The following COL17A1 variants were observed in gnomAD, a reference collection of about 807,000 sequenced individuals.
The protein encoded by COL17A1 is collagen alpha-1(XVII) chain.
Under a neutral mutation model 218.4 loss-of-function variants are expected in COL17A1, and 181 were observed. The observed-to-expected ratio is 0.83, with a 90% CI of 0.73 to 0.94. The LOEUF is 0.94. COL17A1 is among the 40% of genes least tolerant of loss of function. COL17A1 has a pLI of 0.00. For missense variants in COL17A1, 1,924 were observed against 1,945.9 expected (o/e 0.99, Z 0.21); for synonymous variants, 721 against 731.0 (o/e 0.99, Z 0.22).
chr10:104,056,058 T>TAGTGGAGAGCCTG, intron 17 of COL17A1, 55 bp from the exon 18 acceptor site: 1 of 1,597,108 alleles, frequency 6.3e-7, no homozygotes, highest in South Asian at 1.1e-5. Context: ...TCGCCTTCCA[T>TAGTGGAGAGCCTG]ACACTCGCTC....
intron 31 of COL17A1, among the ~76,000 whole-genome samples, chr10:104,046,977 A>T (rs959193255): frequency 1.3e-5 from 2 of 152,048 alleles, no homozygotes; most frequent in African/African-American, 2.4e-5. Context: ...CAGTGAAGCG[A>T]CCCACCACTT....
intron 7 of COL17A1, among the ~76,000 whole-genome samples, chr10:104,072,859 G>A (rs2086679845): frequency 6.6e-6 from 1 of 152,188 alleles, no homozygotes; most frequent in South Asian, 2.1e-4. Flanking sequence ...GACGTGTAAA[G>A]GCAATTAGAG....
intron 11 of COL17A1, 198 bp downstream of exon 11, chr10:104,063,549 C>T: frequency 7.6e-6 from 6 of 788,566 alleles, no homozygotes; most frequent in Non-Finnish European, 1.3e-5. Flanking sequence ...TCAATGTGGG[C>T]TCACGTCCCC....
intron 48 of COL17A1, among the ~76,000 whole-genome samples, chr10:104,036,087 GGAGTGTGT>G (rs2086289927): frequency 2.0e-4 from 2 of 9,992 alleles, no homozygotes; most frequent in African/African-American, 3.0e-4. Context: ...AGTGTGTATG[GGAGTGTGT>G]GTGTATGGGA....
intron 55 of COL17A1, 70 bp from the exon 56 acceptor site, chr10:104,032,360 T>C: frequency 7.5e-7 from 1 of 1,337,096 alleles, no homozygotes; most frequent in Non-Finnish European, 1.1e-6. Flanking sequence ...GCTTGGGCAA[T>C]TATGGCAACC....
chr10:104,061,453 T>A lies in COL17A1; in HGVS notation c.931A>T (p.Met311Leu). 6.2e-7 allele frequency: 1 copy of A among 1,613,592 alleles called. No individual in the cohort carries two copies. Among genetic ancestry groups the A allele is most frequent in the Non-Finnish European group, 8.5e-7 (1 of 1,179,866 alleles). ...TTCACAGCCGCAGGACTCTGGGGCA[T>A]GTTTTTCTTCACCCCATATGCTGCA... The part of the protein sequence containing the change: ...TSTAYGVKKN[M>L]PQSPAAVNTG... Residue 311 changes from methionine to leucine, a missense_variant, in exon 13 of 56, where the codon ATG becomes TTG. Met to Leu is a conservative substitution (Grantham distance 15). Coordinates refer to ENST00000648076, the MANE Select transcript of COL17A1 (RefSeq NM_000494.4).
At chr10:104,039,926 A>T (rs756457059) in intron 41 of COL17A1, 47 bp downstream of exon 41, 66 of 1,613,612 alleles carry the variant, frequency 4.1e-5, no homozygotes, top group Non-Finnish European at 5.6e-5. Flanking sequence ...AGCTTTTGCC[A>T]TCCCCACCCC....
At chr10:104,047,622 C>T (rs1011616361) in intron 31 of COL17A1, 117 bp downstream of exon 31, 8 of 840,374 alleles carry the variant, frequency 9.5e-6, no homozygotes, top group Non-Finnish European at 1.6e-5. Flanking sequence ...ACATATACAC[C>T]CCTTCCCCCA....
chr10:104,037,902 G>A, intron 45 of COL17A1, 129 bp from the exon 46 acceptor site: 1 of 1,207,236 alleles, frequency 8.3e-7, no homozygotes, highest in Non-Finnish European at 1.2e-6. Flanking sequence ...TGGGCCAGGA[G>A]GGAGCCTAGA....
At chr10:104,046,502 A>G (rs2086411243) in intron 32 of COL17A1, among the ~76,000 whole-genome samples, 1 of 152,198 alleles carries the variant, frequency 6.6e-6, no homozygotes, top group South Asian at 2.1e-4. Flanking sequence ...CCCGAGGGGA[A>G]CAGGGCACAG....
intron 37 of COL17A1, 38 bp from the exon 38 acceptor site, chr10:104,041,382 A>G (rs149366949): frequency 5.6e-6 from 9 of 1,607,014 alleles, no homozygotes; most frequent in East Asian, 4.5e-5. Flanking sequence ...TGCTGAGCTC[A>G]GGGAGCTGAT....
chr10:104,071,897 G>T (rs2086671867), intron 8 of COL17A1, 135 bp downstream of exon 8: 1 of 1,423,686 alleles, frequency 7.0e-7, no homozygotes, highest in East Asian at 2.4e-5. Flanking sequence ...CCTTAAAGAT[G>T]TTTTATGATT....
intron 52 of COL17A1, among the ~76,000 whole-genome samples, chr10:104,033,665 G>T (rs1166136221): frequency 2.0e-5 from 3 of 152,184 alleles, no homozygotes; most frequent in African/African-American, 7.2e-5. Flanking sequence ...AGAAAATCCA[G>T]CATGGTCATA....
Position 104,035,518 on chromosome 10 carries a change from C to T in COL17A1, c.3464G>A (p.Gly1155Asp), listed in dbSNP as rs775014621. Residue 1155 changes from glycine (G) to aspartate (D), a missense_variant, in exon 49 of 56, where the codon GGC becomes GAC. Physicochemically the swap from Gly to Asp is moderately conservative, Grantham distance 94. Transcript: ENST00000648076. ...CTCCTCATAGGAGGTTCCCGGCAAG[C>T]CAGGGGGCCCCGGGGGACCAGGAAG... The part of the protein sequence containing the change: ...IGLPGPPGPP[G>D]LPGTSYEELL... 1 of 1,614,066 alleles carries T rather than the reference C, an allele frequency of 6.2e-7. No homozygotes were observed.
intron 50 of COL17A1, 95 bp from the exon 51 acceptor site, chr10:104,034,862 A>C (rs765750314): frequency 3.3e-6 from 5 of 1,516,808 alleles, no homozygotes; most frequent in Non-Finnish European, 4.5e-6. Flanking sequence ...CCCACCTGAA[A>C]GGAGGGGATG....
chr10:104,070,360 C>T, intron 9 of COL17A1, 66 bp downstream of exon 9: 1 of 1,607,012 alleles, frequency 6.2e-7, no homozygotes, highest in Non-Finnish European at 8.5e-7. Flanking sequence ...TCTGAGTCCA[C>T]TCTTTGGGTT....
chr10:104,068,101 T>G (rs1459268188), intron 9 of COL17A1, among the ~76,000 whole-genome samples: 1 of 152,152 alleles, frequency 6.6e-6, no homozygotes, highest in Non-Finnish European at 1.5e-5. Context: ...GCCCTGGTAG[T>G]GAGCACCCCA....
Position 104,040,352 on chromosome 10 carries a change from T to C in COL17A1, c.2760A>G (p.Gln920=), listed in dbSNP as rs1280542824. The C allele has an allele frequency of 6.2e-7, 1 of 1,603,834 alleles. No homozygotes were observed. The highest frequency in any genetic ancestry group is 8.5e-7 in the Non-Finnish European group (1 of 1,170,570). ...PPGPPGPKGD[Q]GPPGPRGHQG... Reference sequence around the variant, plus strand: ...GGTTCCCTGATACACTGTTCTCACCTTGGTCTCCCTTGGGACCTGGGGGGC... The same window carrying C: ...GGTTCCCTGATACACTGTTCTCACCCTGGTCTCCCTTGGGACCTGGGGGGC... Residue 920 remains glutamine, a splice_region_variant and synonymous_variant, in exon 40 of 56, where the codon CAA becomes CAG. Transcript: ENST00000648076.
Position 104,072,053 on chromosome 10 carries a change from T to C in COL17A1, c.442A>G (p.Ser148Gly). ...RESEIRVRLQ[S>G]ASPSTRWTEL... Reference sequence around the variant, plus strand: ...TTACATCGGGTGGATGGGGACGCACTCTGCAGTCGAACTCGAATTTCACTC... The same window carrying C: ...TTACATCGGGTGGATGGGGACGCACCCTGCAGTCGAACTCGAATTTCACTC... The change falls in exon 8 of 56, where the codon AGT becomes GGT. Residue 148 changes from serine to glycine, a missense_variant. Physicochemically the swap from Ser to Gly is moderately conservative, Grantham distance 56. Coordinates refer to ENST00000648076, the MANE Select transcript of COL17A1 (RefSeq NM_000494.4). 3 of 1,614,138 alleles carry C rather than the reference T, an allele frequency of 1.9e-6. No homozygotes were observed. Among genetic ancestry groups the C allele is most frequent in the Non-Finnish European group, 1.7e-6 (2 of 1,180,026 alleles).
Sources: gnomAD v4.1 joint callset for allele counts (sites outside exome capture counted in the v4.1 genomes callset) on GRCh38, gnomAD v4.1.1 for gene constraint, MANE v1.5 for transcripts, NCBI Gene and HGNC (gene_info 2026-07-23, HGNC 2026-07-21) for gene names.